The following CACNA1C variants were observed in gnomAD, a reference collection of about 807,000 sequenced individuals.
CACNA1C encodes calcium voltage-gated channel subunit alpha1 C.
A neutral mutation model predicts 229.0 loss-of-function variants in CACNA1C; 30 were observed. That is an observed-to-expected ratio of 0.13 (90% CI 0.10 to 0.18). The LOEUF is 0.18. Ranked by LOEUF, CACNA1C falls within the 10% of genes least tolerant of loss-of-function variation. The pLI, the probability that CACNA1C is intolerant of heterozygous loss-of-function variation, is 1.00. For missense variants in CACNA1C, 1,658 were observed against 2,845.0 expected (o/e 0.58, Z 9.49); for synonymous variants, 1,114 against 1,132.5 (o/e 0.98, Z 0.33).
Position 2,319,654 on chromosome 12 carries a change from C to A in CACNA1C, c.478-129322C>A, listed in dbSNP as rs1489235523. ...CAGACCTCATCTTCTTCAGACATTT[C>A]TTTTACTCTTTGGCTTGCTCTTGCT... On this transcript the variant is annotated intron_variant, in intron 3 of 46. Coordinates refer to ENST00000399655, the MANE Select transcript of CACNA1C (RefSeq NM_000719.7). The surrounding 1 kb of genome is among the most constrained non-coding windows in gnomAD (Gnocchi z 4.0). Among the ~76,000 whole-genome samples, 1 of 152,142 alleles carries A rather than the reference C, an allele frequency of 6.6e-6. No homozygotes were observed. The highest frequency in any genetic ancestry group is 2.4e-5 in the African/African-American group (1 of 41,410).
intron 1 of CACNA1C, chr12:2,004,603 T>A: frequency 3.2e-6 from 3 of 927,940 alleles, no homozygotes; most frequent in Non-Finnish European, 4.7e-6. Flanking sequence ...AAGGCCTCAC[T>A]AATCGATGGC....
At position 2,686,202 on chromosome 12, in the gene CACNA1C, G is replaced by A. The variant is rs758166168; in HGVS notation, c.5717G>A (p.Arg1906Gln). 5.4e-5 allele frequency: 87 copies of A among 1,613,930 alleles called. No homozygotes were observed. Among genetic ancestry groups the A allele is most frequent in the Admixed American group, 2.2e-4 (13 of 60,034 alleles). Reference protein sequence around the residue: ...RASFHLECLKRQKDRGGDISQ... With the variant: ...RASFHLECLKQQKDRGGDISQ... ...TCCTTCCACCTGGAATGTCTGAAGC[G>A]ACAGAAGGACCGAGGGGGAGACATC... The change falls in exon 45 of 47, where the codon CGA (arginine) becomes CAA (glutamine). Residue 1906 changes from arginine (R) to glutamine (Q), a missense_variant. Physicochemically the swap from Arg to Gln is conservative, Grantham distance 43 (BLOSUM62 1). This residue lies in a region of CACNA1C where 590 missense variants were observed against 700.8 expected (regional missense o/e 0.84). Coordinates refer to ENST00000399655, the MANE Select transcript of CACNA1C (RefSeq NM_000719.7).
chr12:1,974,266 A>G (rs1405384676), intron 1 of CACNA1C, among the ~76,000 whole-genome samples: 1 of 152,168 alleles, frequency 6.6e-6, no homozygotes, highest in Non-Finnish European at 1.5e-5. Flanking sequence ...TTCTCTATCA[A>G]TTGATTACAC....
intron 9 of CACNA1C, among the ~76,000 whole-genome samples, chr12:2,528,304 T>C (rs1197074647): frequency 1.3e-5 from 2 of 152,214 alleles, no homozygotes; most frequent in Non-Finnish European, 2.9e-5. Context: ...AATTTGTTTC[T>C]GTAGTTCTCA....
chr12:2,346,782 T>TGA lies in CACNA1C; in HGVS notation c.478-102193_478-102192dup, dbSNP rs1567166641. ...AAAACTTGATTTTGCATCCAGCTCA[T>TGA]GATAAGCATATAGCAGCATATACAC... On this transcript the variant is annotated intron_variant, in intron 3 of 46. Transcript: ENST00000399655. The surrounding 1 kb of genome is among the most constrained non-coding windows in gnomAD (Gnocchi z 4.4). Among the ~76,000 whole-genome samples the TGA allele has an allele frequency of 1.1e-4, 17 of 152,320 alleles. No individual in the cohort carries two copies. Among genetic ancestry groups the TGA allele is most frequent in the African/African-American group, 4.1e-4 (17 of 41,566 alleles).
chr12:2,196,235 C>T (rs2097399117), intron 3 of CACNA1C, among the ~76,000 whole-genome samples: 1 of 152,150 alleles, frequency 6.6e-6, no homozygotes, highest in Admixed American at 6.6e-5. Context: ...TTAGGAAGCT[C>T]CTCTTGTCTG....
intron 32 of CACNA1C, among the ~76,000 whole-genome samples, chr12:2,652,433 CACTTG>C (rs1378373420): frequency 6.6e-6 from 1 of 152,214 alleles, no homozygotes; most frequent in Non-Finnish European, 1.5e-5. Context: ...GCGCTTGGGT[CACTTG>C]ACTTCCCCCA....
chr12:2,126,569 C>T (rs1328823949), intron 3 of CACNA1C, among the ~76,000 whole-genome samples: 2 of 152,196 alleles, frequency 1.3e-5, no homozygotes, highest in Non-Finnish European at 2.9e-5. Flanking sequence ...CTTTCTGGAG[C>T]AAGAGCCAAG....
chr12:2,402,432 G>C (rs2098690577), intron 3 of CACNA1C, among the ~76,000 whole-genome samples: 1 of 152,252 alleles, frequency 6.6e-6, no homozygotes, highest in South Asian at 2.1e-4. Context: ...AAGCCCACCA[G>C]CTGGAAGAGG....
At chr12:2,142,986 T>C (rs2094399185) in intron 3 of CACNA1C, among the ~76,000 whole-genome samples, 1 of 150,832 alleles carries the variant, frequency 6.6e-6, no homozygotes, top group Non-Finnish European at 1.5e-5. Flanking sequence ...TTTTTTTTTT[T>C]GTTTTTTGAG....
intron 3 of CACNA1C, among the ~76,000 whole-genome samples, chr12:2,229,206 T>C (rs1235359820): frequency 1.3e-5 from 2 of 152,178 alleles, no homozygotes; most frequent in Non-Finnish European, 2.9e-5. Context: ...GTTTCAGTTT[T>C]ATAATGTGGG....
At chr12:2,223,248 G>A (rs1489724280) in intron 3 of CACNA1C, 1 of 152,214 alleles carries the variant, frequency 6.6e-6, no homozygotes, top group Non-Finnish European at 1.5e-5. Flanking sequence ...TTGAGCCCCT[G>A]TTTTCAGCTG....
chr12:2,302,124 C>T (rs2094606855), intron 3 of CACNA1C, among the ~76,000 whole-genome samples: 1 of 152,144 alleles, frequency 6.6e-6, no homozygotes, highest in Non-Finnish European at 1.5e-5. Flanking sequence ...TCGTGACTGA[C>T]TAGTGTTTAT....
intron 3 of CACNA1C, among the ~76,000 whole-genome samples, chr12:2,192,400 C>G (rs2097266782): frequency 6.6e-6 from 1 of 152,164 alleles, no homozygotes; most frequent in Non-Finnish European, 1.5e-5. Context: ...CAGCTCCAAG[C>G]CTTCTTCTGC....
intron 8 of CACNA1C, among the ~76,000 whole-genome samples, chr12:2,511,119 A>T (rs1050161167): frequency 4.6e-5 from 7 of 152,232 alleles, no homozygotes; most frequent in Non-Finnish European, 1.0e-4. Context: ...ATCCAATTAG[A>T]ATTGGATTCA....
intron 34 of CACNA1C, among the ~76,000 whole-genome samples, chr12:2,656,341 T>A (rs1023657925): frequency 6.6e-6 from 1 of 152,140 alleles, no homozygotes; most frequent in African/African-American, 2.4e-5. Context: ...CCTTTTACAA[T>A]AGCATCAAAA....
At chr12:2,431,250 C>T (rs1327164250) in intron 3 of CACNA1C, among the ~76,000 whole-genome samples, 1 of 152,138 alleles carries the variant, frequency 6.6e-6, no homozygotes, top group African/African-American at 2.4e-5. Flanking sequence ...TAACCAGTAC[C>T]CCAAAATATC....
At chr12:2,648,554 C>CT (rs777173714) in intron 31 of CACNA1C, 47 bp downstream of exon 31, 2 of 1,574,174 alleles carry the variant, frequency 1.3e-6, no homozygotes, top group Non-Finnish European at 1.7e-6. Flanking sequence ...GTGTCCCCCT[C>CT]TAACACCCCC....
intron 3 of CACNA1C, among the ~76,000 whole-genome samples, chr12:2,184,594 C>G (rs2096939259): frequency 6.6e-6 from 1 of 152,184 alleles, no homozygotes; most frequent in Non-Finnish European, 1.5e-5. Flanking sequence ...GCTTAAGTAT[C>G]TTTCTACATA....
Sources: allele counts gnomAD v4.1 joint callset (sites outside exome capture counted in the v4.1 genomes callset), GRCh38; gene constraint gnomAD v4.1.1; regional missense constraint gnomAD v4.1.1; non-coding constraint Gnocchi (gnomAD v3.1); transcripts MANE v1.5; gene names NCBI Gene and HGNC (gene_info 2026-07-23, HGNC 2026-07-21).